Variants in NUP160 observed in about 807,000 individuals in gnomAD.
NUP160 encodes the protein nuclear pore complex protein Nup160.
NUP160 carries 94 observed loss-of-function variants against 196.9 expected under a neutral mutation model. The ratio of observed to expected loss-of-function variants is 0.48; its 90% confidence interval spans 0.40 to 0.57. The LOEUF (loss-of-function observed/expected upper bound fraction) is 0.57, where lower values mean the gene tolerates loss of function less well. Among genes scored for constraint, NUP160 ranks in the 20% least tolerant of loss-of-function variants. The probability of loss-of-function intolerance (pLI) is 0.00; values close to 1 mark genes in which losing one functional copy is unlikely to be tolerated. For missense variants in NUP160, 1,638 were observed against 1,748.3 expected, an observed-to-expected ratio of 0.94 and a Z score of 1.13; for synonymous variants, 605 against 619.7, an observed-to-expected ratio of 0.98 and a Z score of 0.35.
intron 5 of NUP160, among the ~76,000 whole-genome samples, 190 bp from the exon 6 acceptor site, chr11:47,837,191 G>A (rs189857685): frequency 1.9e-4 from 29 of 152,190 alleles, no homozygotes; most frequent in Middle Eastern, 3.4e-3. Context: ...AAATTTAAAA[G>A]GCTCTACATA....
At chr11:47,808,780 A>T (rs1338656373) in intron 17 of NUP160, among the ~76,000 whole-genome samples, 1 of 152,096 alleles carries the variant, frequency 6.6e-6, no homozygotes, top group East Asian at 1.9e-4. Context: ...TAAAAAGCTT[A>T]ACTTTCATTA....
At chr11:47,806,852 C>CACACATATATATATAT in intron 19 of NUP160, among the ~76,000 whole-genome samples, 1 of 124,252 alleles carries the variant, frequency 8.0e-6, no homozygotes, top group African/African-American at 3.2e-5. Flanking sequence ...CACACACACA[C>CACACATATATATATAT]ATATATATAC....
rs189148992 is a variant in NUP160, at chr11:47,804,605, G to A, written c.2620C>T (p.Pro874Ser). ...AAACATTCTAGAAAGAGACAACCAG[G>A]ATTGCTAGGCCATCTAGTCATTGGT... Residue 874 changes from proline to serine, a missense_variant, in exon 21 of 36, where the codon CCT becomes TCT. Transcript: ENST00000378460. 1.2e-5 allele frequency: 18 copies of A among 1,528,778 alleles called. 1 individual carries two copies. In the Admixed American group the frequency reaches 4.4e-4, roughly 37 times the overall value. The allele number at this position is 1,528,778 out of a possible 1,614,324, so 94.7% of individuals were successfully genotyped here.
intron 34 of NUP160, 93 bp from the exon 35 acceptor site, chr11:47,780,540 C>CTTT: frequency 2.4e-6 from 1 of 424,514 alleles, no homozygotes; most frequent in African/African-American, 2.6e-5. Context: ...ATAAAATACC[C>CTTT]TTTTTTTTTT....
intron 7 of NUP160, among the ~76,000 whole-genome samples, chr11:47,834,679 T>C (rs1565207936): frequency 6.6e-6 from 1 of 152,036 alleles, no homozygotes; most frequent in Non-Finnish European, 1.5e-5. Flanking sequence ...AGAACATCGG[T>C]GCAGGCATGT....
At chr11:47,821,907 G>T in intron 8 of NUP160, 86 bp from the exon 9 acceptor site, 1 of 1,127,808 alleles carries the variant, frequency 8.9e-7, no homozygotes, top group Non-Finnish European at 1.3e-6. Context: ...AGTAGGAGAG[G>T]TAAATGTATG....
exon 33 of NUP160, chr11:47,785,033 G>A (rs768836811): frequency 7.1e-6 from 11 of 1,559,558 alleles, no homozygotes; most frequent in Non-Finnish European, 9.6e-6. Context: ...CCAGGTAAGT[G>A]GATAATAGTC....
intron 29 of NUP160, among the ~76,000 whole-genome samples, chr11:47,791,157 TC>T (rs1291088867): frequency 3.8e-5 from 3 of 79,090 alleles, no homozygotes; most frequent in East Asian, 7.8e-4. Context: ...AATTTTCTCT[TC>T]TTTTTTTTTA....
chr11:47,822,046 T>A, intron 8 of NUP160, 41 bp downstream of exon 8: 1 of 1,330,534 alleles, frequency 7.5e-7, no homozygotes, highest in Non-Finnish European at 1.1e-6. Flanking sequence ...ATACTTCTTT[T>A]TCTTGTACTT....
At chr11:47,837,025 G>T (rs376409030) in intron 5 of NUP160, 24 bp from the exon 6 acceptor site, 8 of 1,312,586 alleles carry the variant, frequency 6.1e-6, no homozygotes, top group Non-Finnish European at 7.7e-6. Flanking sequence ...CCCAGTTTTA[G>T]AGTTTTACTG....
At chr11:47,813,706 A>G (rs906307521) in intron 13 of NUP160, among the ~76,000 whole-genome samples, 3 of 150,770 alleles carry the variant, frequency 2.0e-5, no homozygotes, top group Admixed American at 2.0e-4. Flanking sequence ...CACAGCTTTA[A>G]TTCTAGCTGC....
At chr11:47,786,377 G>T in intron 32 of NUP160, 76 bp downstream of exon 32, 1 of 887,928 alleles carries the variant, frequency 1.1e-6, no homozygotes, top group South Asian at 1.4e-5. Flanking sequence ...ATCTATGTAG[G>T]ACAATTTAGT....
chr11:47,827,433 C>T (rs960567944), intron 7 of NUP160, among the ~76,000 whole-genome samples: 19 of 151,678 alleles, frequency 1.3e-4, no homozygotes, highest in African/African-American at 4.6e-4. Flanking sequence ...TCACAGCTAG[C>T]ATTATACTTA....
intron 34 of NUP160, 90 bp downstream of exon 34, chr11:47,782,983 T>C: frequency 9.1e-7 from 1 of 1,097,182 alleles, no homozygotes; most frequent in Non-Finnish European, 1.4e-6. Flanking sequence ...GTATGGTTTC[T>C]CATAAATGTT....
intron 23 of NUP160, 100 bp downstream of exon 23, chr11:47,801,711 C>A (rs969800669): frequency 1.7e-6 from 2 of 1,159,832 alleles, no homozygotes; most frequent in East Asian, 5.1e-5. Flanking sequence ...CAGGGAGCAA[C>A]TGAATTTTTA....
At chr11:47,799,611 T>G (rs771365950) in intron 23 of NUP160, among the ~76,000 whole-genome samples, 1 of 152,036 alleles carries the variant, frequency 6.6e-6, no homozygotes, top group Non-Finnish European at 1.5e-5. Flanking sequence ...AGTGGCATGA[T>G]CATAGCTCAG....
chr11:47,821,615 C>T (rs908412649), intron 9 of NUP160, 109 bp downstream of exon 9: 19 of 764,702 alleles, frequency 2.5e-5, no homozygotes, highest in Non-Finnish European at 4.0e-5. Context: ...CTGCCTCGGC[C>T]TCTCAAAGTG....
intron 7 of NUP160, among the ~76,000 whole-genome samples, chr11:47,827,638 A>C (rs1337102968): frequency 2.6e-5 from 4 of 151,820 alleles, no homozygotes; most frequent in African/African-American, 9.7e-5. Context: ...CGCTTGAACC[A>C]GGAGGTTGCA....
At chr11:47,839,666 T>A (rs929117354) in intron 4 of NUP160, 177 bp downstream of exon 4, 2 of 618,872 alleles carry the variant, frequency 3.2e-6, no homozygotes, top group African/African-American at 3.7e-5. Context: ...ATATGCTTTA[T>A]AGTTCCTTAT....
Sources: gnomAD v4.1 joint callset for allele counts (sites outside exome capture counted in the v4.1 genomes callset) on GRCh38, gnomAD v4.1.1 for gene constraint, MANE v1.5 for transcripts, NCBI Gene and HGNC (gene_info 2026-07-23, HGNC 2026-07-21) for gene names.